Variants in ADAM17 observed in about 807,000 individuals in gnomAD.
ADAM17 encodes ADAM metallopeptidase domain 17.
ADAM17 carries 39 observed loss-of-function variants against 96.7 expected under a neutral mutation model. The observed-to-expected ratio is 0.40, with a 90% CI of 0.31 to 0.53. The LOEUF (loss-of-function observed/expected upper bound fraction) is 0.53. Among genes scored for constraint, ADAM17 ranks in the 20% least tolerant of loss-of-function variants. The pLI is 0.44. For missense variants in ADAM17, 777 were observed against 1,013.2 expected (o/e 0.77, Z 3.17); for synonymous variants, 344 against 359.2 (o/e 0.96, Z 0.48).
chr2:9,542,390 T>A (rs545838051), intron 2 of ADAM17, among the ~76,000 whole-genome samples: 1 of 152,142 alleles, frequency 6.6e-6, no homozygotes, highest in Admixed American at 6.5e-5. Flanking sequence ...TAAATAAATA[T>A]GAAGCAGGTT....
At position 9,555,579 on chromosome 2, in the gene ADAM17, G is replaced by A. The variant is rs757690124; in HGVS notation, c.27C>T (p.Thr9=). 9 of 1,597,640 alleles carry A rather than the reference G, an allele frequency of 5.6e-6. No homozygotes were observed. The highest frequency in any genetic ancestry group is 2.3e-5 in the East Asian group (1 of 44,120). Residue 9 remains threonine, a synonymous_variant, in exon 1 of 19, where the codon ACC becomes ACT. Coordinates refer to ENST00000310823, the MANE Select transcript of ADAM17 (RefSeq NM_003183.6). The part of the protein sequence containing the change: MRQSLLFL[T]SVVPFVLAPR... ...GCGCCAGCACGAAAGGAACCACGCT[G>A]GTCAGGAATAGGAGAGACTGCCTCA...
Position 9,493,842 on chromosome 2 carries a change from T to C in ADAM17, c.1915-17A>G. On this transcript the variant is annotated splice_polypyrimidine_tract_variant and intron_variant, in intron 15 of 18. Transcript: ENST00000310823. ...ACATTTGCCCTATGAAGAAAAAACA[T>C]ACATACAGCATCATTCCCAAACACA... The C allele has an allele frequency of 1.3e-6, 2 of 1,599,618 alleles. No homozygotes were observed. The highest frequency in any genetic ancestry group is 1.7e-6 in the Non-Finnish European group (2 of 1,167,148).
chr2:9,504,257 C>T (rs1290913456), intron 12 of ADAM17, among the ~76,000 whole-genome samples: 2 of 151,340 alleles, frequency 1.3e-5, no homozygotes, highest in East Asian at 1.9e-4. Flanking sequence ...CCATCCTGGC[C>T]AACATGCTAA....
At chr2:9,506,259 C>T (rs7580419) in intron 11 of ADAM17, among the ~76,000 whole-genome samples, 88,304 of 151,640 alleles carry the variant, frequency 0.58, 27,052 homozygotes, top group African/African-American at 0.71. Context: ...TGCCTGTAAC[C>T]ACCAAATCAG....
intron 4 of ADAM17, among the ~76,000 whole-genome samples, chr2:9,534,685 C>G (rs1664889281): frequency 6.6e-6 from 1 of 151,894 alleles, no homozygotes; most frequent in Non-Finnish European, 1.5e-5. Flanking sequence ...GTGGGTATAA[C>G]TATATTTATT....
In ADAM17 at chr2:9,543,190, G is replaced by A. The variant is rs1292921269; in HGVS notation, c.193C>T (p.His65Tyr). 2 of 1,607,448 alleles carry A rather than the reference G, an allele frequency of 1.2e-6. No homozygotes were observed. The highest frequency in any genetic ancestry group is 1.7e-6 in the Non-Finnish European group (2 of 1,177,286). Residue 65 changes from histidine to tyrosine, a missense_variant, in exon 2 of 19, where the codon CAT (histidine) becomes TAT (tyrosine). Physicochemically the swap from His to Tyr is moderately conservative, Grantham distance 83. Coordinates refer to ENST00000310823, the MANE Select transcript of ADAM17 (RefSeq NM_003183.6). ...GAAAAAGTTAGTAGTGTTTCTACAT[G>A]TGTTGAAGTCTGTAGATCTCTTTTT... ...VRKRDLQTST[H>Y]VETLLTFSAL...
Position 9,518,215 on chromosome 2 carries a change from A to T in ADAM17, c.990T>A (p.Ser330=), listed in dbSNP as rs1439930675. 6.7e-7 allele frequency: 1 copy of T among 1,500,012 alleles called. No individual in the cohort carries two copies. The highest frequency in any genetic ancestry group is 1.4e-5 in the African/African-American group (1 of 69,760). The allele number at this position is 1,500,012 out of a possible 1,614,324, so 92.9% of individuals were successfully genotyped here. A position where few individuals can be genotyped will look rare whatever the true frequency, so the allele number is the denominator to read the frequency against. ...QFSFDIAEEA[S]KVCLAHLFTY... ...TGAAAAGGTGTGCCAAGCAAACTTT[A>T]GATGCTTCCTCAGCTATATCAAAGC... The change falls in exon 9 of 19, where the codon TCT becomes TCA. Residue 330 remains serine (S), a synonymous_variant. Transcript: ENST00000310823.
intron 14 of ADAM17, among the ~76,000 whole-genome samples, chr2:9,495,103 C>A (rs1572882065): frequency 6.6e-6 from 1 of 152,232 alleles, no homozygotes; most frequent in East Asian, 1.9e-4. Flanking sequence ...TTTCTTGTCA[C>A]CCTGCTGACT....
intron 1 of ADAM17, among the ~76,000 whole-genome samples, chr2:9,549,835 T>C (rs1268201111): frequency 6.6e-6 from 1 of 152,214 alleles, no homozygotes; most frequent in African/African-American, 2.4e-5. Flanking sequence ...TTTTTTACAT[T>C]AATTTCTTTT....
chr2:9,514,554 TATATATATATATATAA>T lies in ADAM17; in HGVS notation c.1191+3331_1191+3346del, dbSNP rs1264736143. Among the ~76,000 whole-genome samples the T allele has an allele frequency of 1.9e-4, 10 of 52,712 alleles. No homozygotes were observed. In the East Asian group the frequency reaches 3.1e-3, roughly 16 times the overall value. The allele number at this position is 52,712 out of a possible 152,430, so 34.6% of individuals were successfully genotyped here. A position where few individuals can be genotyped will look rare whatever the true frequency, so the allele number is the denominator to read the frequency against. ...ATATATATATATATATATATATATA[TATATATATATATATAA>T]ATAAAAAGAGACAGGGTCTCAGGCC... On this transcript the variant is annotated intron_variant, in intron 10 of 18. Coordinates refer to ENST00000310823, the MANE Select transcript of ADAM17 (RefSeq NM_003183.6).
chr2:9,517,071 G>A (rs1664091940), intron 10 of ADAM17, among the ~76,000 whole-genome samples: 1 of 152,118 alleles, frequency 6.6e-6, no homozygotes, highest in Non-Finnish European at 1.5e-5. Context: ...TTAAAACCAT[G>A]AGGTGACATC....
At chr2:9,540,327 G>GT (rs1315913096) in intron 2 of ADAM17, among the ~76,000 whole-genome samples, 1 of 151,606 alleles carries the variant, frequency 6.6e-6, no homozygotes, top group Non-Finnish European at 1.5e-5. Context: ...TTCAAATCTT[G>GT]TATCTGTCAT....
At chr2:9,543,505 T>C (rs1475447157) in intron 1 of ADAM17, among the ~76,000 whole-genome samples, 1 of 152,212 alleles carries the variant, frequency 6.6e-6, no homozygotes, top group East Asian at 1.9e-4. Flanking sequence ...CTTTAAAAAC[T>C]GTCTAAAAAT....
chr2:9,524,121 A>C (rs1256024782), intron 6 of ADAM17, among the ~76,000 whole-genome samples: 1 of 151,652 alleles, frequency 6.6e-6, no homozygotes, highest in Non-Finnish European at 1.5e-5. Context: ...AATAATACAT[A>C]TTTTAAAAAT....
chr2:9,546,333 T>C (rs1215251334), intron 1 of ADAM17, among the ~76,000 whole-genome samples: 2 of 152,194 alleles, frequency 1.3e-5, no homozygotes. Flanking sequence ...TCAACTGCAA[T>C]TGATTCTCTT....
intron 10 of ADAM17, among the ~76,000 whole-genome samples, chr2:9,517,541 G>A (rs183781535): frequency 6.6e-5 from 10 of 152,304 alleles, no homozygotes; most frequent in African/African-American, 2.4e-4. Context: ...CACTGAGAAA[G>A]AGGGAGACCA....
intron 11 of ADAM17, among the ~76,000 whole-genome samples, chr2:9,509,477 G>A (rs763017157): frequency 3.9e-5 from 6 of 152,100 alleles, no homozygotes; most frequent in Non-Finnish European, 5.9e-5. Context: ...CTCCTACTAG[G>A]CACTGGAGAT....
intron 13 of ADAM17, among the ~76,000 whole-genome samples, chr2:9,501,182 C>T (rs955256435): frequency 5.9e-5 from 9 of 151,882 alleles, no homozygotes; most frequent in African/African-American, 2.2e-4. Context: ...CAGGAGAAAT[C>T]TGAATAGCTG....
intron 1 of ADAM17, among the ~76,000 whole-genome samples, chr2:9,554,984 A>G (rs941054648): frequency 6.6e-6 from 1 of 152,182 alleles, no homozygotes; most frequent in African/African-American, 2.4e-5. Flanking sequence ...TCGCAAAAAC[A>G]CAACTCTTAA....
Sources: allele counts gnomAD v4.1 joint callset (sites outside exome capture counted in the v4.1 genomes callset), GRCh38; gene constraint gnomAD v4.1.1; transcripts MANE v1.5; gene names NCBI Gene and HGNC (gene_info 2026-07-23, HGNC 2026-07-21).